The following TMEM38B variants were observed in gnomAD, a reference collection of about 807,000 sequenced individuals.
TMEM38B encodes transmembrane protein 38B, also known as trimeric intracellular cation channel type B.
In TMEM38B, 24 loss-of-function variants were observed where a neutral mutation model predicts 28.7. The observed-to-expected ratio is 0.84, with a 90% confidence interval of 0.61 to 1.18. The LOEUF (loss-of-function observed/expected upper bound fraction) is 1.18, where lower values mean the gene tolerates loss of function less well. Among genes scored for constraint, TMEM38B ranks in the 50% most tolerant of loss-of-function variants. The pLI is 0.00. For missense variants in TMEM38B, 380 were observed against 350.9 expected, an observed-to-expected ratio of 1.08 and a Z score of -0.66; for synonymous variants, 131 against 127.7, an observed-to-expected ratio of 1.03 and a Z score of -0.17.
chr9:105,697,502 C>G (rs1835328993), intron 1 of TMEM38B, among the ~76,000 whole-genome samples: 1 of 152,058 alleles, frequency 6.6e-6, no homozygotes, highest in Non-Finnish European at 1.5e-5. Context: ...AGCAATTTTT[C>G]ATTTATGTTT....
intron 4 of TMEM38B, among the ~76,000 whole-genome samples, chr9:105,736,071 G>A (rs62575153): frequency 7.0e-6 from 1 of 143,214 alleles, no homozygotes; most frequent in South Asian, 2.2e-4. Context: ...TTTTTTTTTG[G>A]TAGAGATAGG....
At chr9:105,760,210 G>T (rs1837989342) in intron 5 of TMEM38B, 1 of 896,456 alleles carries the variant, frequency 1.1e-6, no homozygotes, top group African/African-American at 1.6e-5. Flanking sequence ...TCAAAATGTT[G>T]ATATGTCCAA....
intron 5 of TMEM38B, among the ~76,000 whole-genome samples, chr9:105,764,441 C>G (rs12341887): frequency 5.5e-4 from 83 of 150,436 alleles, no homozygotes; most frequent in African/African-American, 9.3e-4. Flanking sequence ...ACCAACAACA[C>G]ACAAACAGAG....
intron 2 of TMEM38B, among the ~76,000 whole-genome samples, chr9:105,713,917 TG>T (rs980017285): frequency 4.3e-5 from 5 of 117,614 alleles, no homozygotes; most frequent in African/African-American, 2.0e-4. Flanking sequence ...CTACCCTCTT[TG>T]GGGCCACCTC....
chr9:105,772,371 A>G (rs1423578531), intron 5 of TMEM38B, among the ~76,000 whole-genome samples: 1 of 151,846 alleles, frequency 6.6e-6, no homozygotes, highest in Non-Finnish European at 1.5e-5. Context: ...TCACATTCCA[A>G]CCTATGGCTC....
At chr9:105,707,508 G>T (rs1380252632) in intron 2 of TMEM38B, among the ~76,000 whole-genome samples, 5 of 151,952 alleles carry the variant, frequency 3.3e-5, no homozygotes, top group African/African-American at 1.2e-4. Flanking sequence ...CATTTTTATT[G>T]TGATAATTTT....
intron 5 of TMEM38B, among the ~76,000 whole-genome samples, chr9:105,773,180 C>CTTT (rs1366906066): frequency 3.3e-5 from 5 of 152,124 alleles, no homozygotes; most frequent in African/African-American, 7.2e-5. Context: ...TATATCTAAA[C>CTTT]ATCTGTGAAC....
chr9:105,758,733 AT>A, intron 5 of TMEM38B: 1 of 734,416 alleles, frequency 1.4e-6, no homozygotes, highest in Non-Finnish European at 2.4e-6. Context: ...TAAAGATAGT[AT>A]TTTTAAATGA....
chr9:105,749,788 G>A (rs1337372186), intron 5 of TMEM38B, among the ~76,000 whole-genome samples: 1 of 152,114 alleles, frequency 6.6e-6, no homozygotes, highest in Non-Finnish European at 1.5e-5. Context: ...CATTTTGATT[G>A]TGTCACTTTT....
intron 2 of TMEM38B, 43 bp downstream of exon 2, chr9:105,705,796 G>T: frequency 2.6e-6 from 4 of 1,548,796 alleles, no homozygotes; most frequent in Non-Finnish European, 2.6e-6. Flanking sequence ...TTAAACAATT[G>T]TGTTGTAAAT....
intron 4 of TMEM38B, among the ~76,000 whole-genome samples, chr9:105,743,520 A>T (rs1344358474): frequency 6.6e-6 from 1 of 152,202 alleles, no homozygotes; most frequent in East Asian, 1.9e-4. Context: ...TATACTTTAA[A>T]TATGTGGCAA....
chr9:105,747,355 T>C (rs2133616845), intron 4 of TMEM38B, among the ~76,000 whole-genome samples: 1 of 152,354 alleles, frequency 6.6e-6, no homozygotes, highest in African/African-American at 2.4e-5. Flanking sequence ...TTTTCTAGTT[T>C]ATTTGTGTAG....
At chr9:105,772,239 C>G (rs1470263982) in intron 5 of TMEM38B, among the ~76,000 whole-genome samples, 1 of 152,124 alleles carries the variant, frequency 6.6e-6, no homozygotes, top group African/African-American at 2.4e-5. Context: ...CTTATGTATG[C>G]AGAGTTTAGG....
chr9:105,730,923 A>G (rs538319974), intron 4 of TMEM38B, among the ~76,000 whole-genome samples: 6 of 152,012 alleles, frequency 3.9e-5, no homozygotes, highest in African/African-American at 1.4e-4. Flanking sequence ...CCCCTTTATC[A>G]TTTTTTATTG....
intron 4 of TMEM38B, among the ~76,000 whole-genome samples, chr9:105,733,158 G>T (rs949034412): frequency 9.3e-4 from 141 of 152,278 alleles, no homozygotes; most frequent in African/African-American, 3.2e-3. Context: ...TTCCAGTTAT[G>T]TGGTCAATTT....
intron 5 of TMEM38B, among the ~76,000 whole-genome samples, chr9:105,771,602 T>C (rs1262230402): frequency 6.6e-6 from 1 of 152,210 alleles, no homozygotes; most frequent in Non-Finnish European, 1.5e-5. Context: ...GTTCCTTAAG[T>C]CAAGCTATGA....
At chr9:105,753,734 C>T (rs1047042119) in intron 5 of TMEM38B, among the ~76,000 whole-genome samples, 3 of 152,130 alleles carry the variant, frequency 2.0e-5, no homozygotes, top group Non-Finnish European at 4.4e-5. Context: ...AGACCAGTGA[C>T]ACTATGAAGC....
chr9:105,764,619 G>A (rs960343729), intron 5 of TMEM38B, among the ~76,000 whole-genome samples: 2 of 151,634 alleles, frequency 1.3e-5, no homozygotes, highest in Non-Finnish European at 2.9e-5. Flanking sequence ...CATGCTCATG[G>A]GTAAGAAGAA....
chr9:105,699,126 A>G (rs1048109473), intron 1 of TMEM38B, among the ~76,000 whole-genome samples: 4 of 152,214 alleles, frequency 2.6e-5, no homozygotes, highest in Middle Eastern at 3.4e-3. Flanking sequence ...CTCATTTTGA[A>G]TAAGATACAT....
Sources: gnomAD v4.1 joint callset for allele counts (sites outside exome capture counted in the v4.1 genomes callset) on GRCh38, gnomAD v4.1.1 for gene constraint, MANE v1.5 for transcripts, NCBI Gene and HGNC (gene_info 2026-07-23, HGNC 2026-07-21) for gene names.